Variants in SPIDR observed in about 807,000 individuals in gnomAD.
SPIDR encodes the protein DNA repair-scaffolding protein.
In SPIDR, 93 loss-of-function variants were observed where a neutral mutation model predicts 104.6. That is an observed-to-expected ratio of 0.89 (90% CI 0.75 to 1.06). The LOEUF is 1.06. SPIDR is among the 50% of genes least tolerant of loss of function. The probability of loss-of-function intolerance (pLI) is 0.00; values close to 1 mark genes in which losing one functional copy is unlikely to be tolerated. For missense variants in SPIDR, 1,154 were observed against 1,111.2 expected (o/e 1.04, Z -0.55); for synonymous variants, 431 against 416.9 (o/e 1.03, Z -0.41).
chr8:47,287,916 T>A lies in SPIDR; in HGVS notation c.257-3117T>A, dbSNP rs1022621757. On this transcript the variant is annotated intron_variant, in intron 3 of 19. Transcript: ENST00000297423. Reference sequence around the variant, plus strand: ...GCATAAGAAATTATAAAAGTATTATTTGGGGAATGATAAAGGTCCATATTA... The same window carrying A: ...GCATAAGAAATTATAAAAGTATTATATGGGGAATGATAAAGGTCCATATTA... 2.1e-3 allele frequency among the ~76,000 whole-genome samples: 323 copies of A among 152,280 alleles called. 2 individuals are homozygous for A. Among genetic ancestry groups the A allele is most frequent in the African/African-American group, 6.9e-3 (287 of 41,558 alleles).
At chr8:47,492,322 G>A (rs535637049) in intron 8 of SPIDR, among the ~76,000 whole-genome samples, 1 of 152,078 alleles carries the variant, frequency 6.6e-6, no homozygotes, top group Non-Finnish European at 1.5e-5. Flanking sequence ...CCAGTATCTG[G>A]CAAGCAGGCA....
chr8:47,430,940 G>A (rs2067253212), intron 7 of SPIDR, among the ~76,000 whole-genome samples: 1 of 152,218 alleles, frequency 6.6e-6, no homozygotes, highest in Non-Finnish European at 1.5e-5. Context: ...GATACTCAGA[G>A]TGGAAGGCAT....
At chr8:47,345,401 C>T (rs1333397717) in intron 5 of SPIDR, among the ~76,000 whole-genome samples, 1 of 152,170 alleles carries the variant, frequency 6.6e-6, no homozygotes, top group Non-Finnish European at 1.5e-5. Flanking sequence ...TAGTGTGATG[C>T]CTCCAGCTTT....
At chr8:47,298,846 G>T (rs1429660883) in intron 5 of SPIDR, among the ~76,000 whole-genome samples, 9 of 152,132 alleles carry the variant, frequency 5.9e-5, no homozygotes, top group African/African-American at 9.7e-5. Context: ...ATGGTGTTTT[G>T]GTTACTGTAG....
intron 7 of SPIDR, among the ~76,000 whole-genome samples, chr8:47,415,463 G>A (rs570268395): frequency 3.9e-5 from 6 of 152,252 alleles, no homozygotes; most frequent in African/African-American, 1.4e-4. Flanking sequence ...TGTTACTGTG[G>A]TCTGAATTTT....
chr8:47,594,458 G>A (rs917520575), intron 8 of SPIDR, among the ~76,000 whole-genome samples: 3 of 152,200 alleles, frequency 2.0e-5, no homozygotes, highest in East Asian at 1.9e-4. Context: ...AGCCCAATGA[G>A]GGGGGAAGTC....
intron 10 of SPIDR, 153 bp from the exon 11 acceptor site, chr8:47,673,648 T>C (rs1027504399): frequency 2.9e-6 from 3 of 1,026,612 alleles, no homozygotes; most frequent in East Asian, 4.9e-5. Context: ...ATTTCTTTTT[T>C]TTTTCCCCCC....
chr8:47,337,979 T>G (rs190838151), intron 5 of SPIDR, among the ~76,000 whole-genome samples: 1,859 of 152,342 alleles, frequency 0.012, 21 homozygotes, highest in Non-Finnish European at 0.017. Context: ...CCTTAATTAA[T>G]GTAATTTTAT....
chr8:47,408,490 A>G (rs2063058716), intron 7 of SPIDR, among the ~76,000 whole-genome samples: 1 of 152,156 alleles, frequency 6.6e-6, no homozygotes, highest in Non-Finnish European at 1.5e-5. Context: ...TGTACTGCAG[A>G]TCTCTAGGAC....
At chr8:47,673,662 G>GGT in intron 10 of SPIDR, 139 bp from the exon 11 acceptor site, 2 of 1,197,900 alleles carry the variant, frequency 1.7e-6, no homozygotes, top group Non-Finnish European at 2.4e-6. Flanking sequence ...TCCCCCCTTG[G>GGT]TTTTTCTTTA....
chr8:47,315,205 A>T (rs781935559), intron 5 of SPIDR, among the ~76,000 whole-genome samples: 4 of 152,212 alleles, frequency 2.6e-5, no homozygotes, highest in Non-Finnish European at 5.9e-5. Flanking sequence ...AAAATACTTC[A>T]GCCACCTTGA....
At chr8:47,328,984 GCAAA>G in intron 5 of SPIDR, among the ~76,000 whole-genome samples, 1 of 151,934 alleles carries the variant, frequency 6.6e-6, no homozygotes, top group African/African-American at 2.4e-5. Context: ...TTGGCTCATG[GCAAA>G]CTCCACTTCC....
At chr8:47,293,743 TG>T in intron 4 of SPIDR, 123 bp from the exon 5 acceptor site, 1 of 1,086,150 alleles carries the variant, frequency 9.2e-7, no homozygotes, top group Non-Finnish European at 1.3e-6. Context: ...CTATTGTGCC[TG>T]GCCCTAAATA....
chr8:47,701,598 T>C (rs2080191650), intron 12 of SPIDR, 123 bp from the exon 13 acceptor site: 2 of 915,200 alleles, frequency 2.2e-6, no homozygotes, highest in Admixed American at 4.8e-5. Context: ...TGTATAGCAT[T>C]CCAGAGAGAG....
At chr8:47,682,361 TG>T (rs2077213869) in intron 11 of SPIDR, among the ~76,000 whole-genome samples, 1 of 151,770 alleles carries the variant, frequency 6.6e-6, no homozygotes, top group African/African-American at 2.4e-5. Context: ...GCAGATGGGC[TG>T]CCAGGGCCTG....
chr8:47,410,705 A>G (rs549360666), intron 7 of SPIDR, among the ~76,000 whole-genome samples: 1 of 152,106 alleles, frequency 6.6e-6, no homozygotes, highest in South Asian at 2.1e-4. Flanking sequence ...CATGTGCACA[A>G]CGTGCAGGTT....
chr8:47,726,895 T>C (rs985395147), intron 16 of SPIDR, among the ~76,000 whole-genome samples: 1 of 152,162 alleles, frequency 6.6e-6, no homozygotes, highest in Non-Finnish European at 1.5e-5. Flanking sequence ...TGGGGAATGT[T>C]TGAGGGACTG....
intron 1 of SPIDR, among the ~76,000 whole-genome samples, chr8:47,275,415 T>A (rs991728332): frequency 2.0e-5 from 3 of 152,160 alleles, no homozygotes; most frequent in Admixed American, 6.5e-5. Flanking sequence ...TTATTTTTTT[T>A]AAATTTAATG....
At chr8:47,536,732 A>G (rs2154386807) in intron 8 of SPIDR, among the ~76,000 whole-genome samples, 1 of 152,334 alleles carries the variant, frequency 6.6e-6, no homozygotes, top group South Asian at 2.1e-4. Flanking sequence ...TGTGAGAGAA[A>G]AAGTTTACAA....
Sources: allele counts gnomAD v4.1 joint callset (sites outside exome capture counted in the v4.1 genomes callset), GRCh38; gene constraint gnomAD v4.1.1; transcripts MANE v1.5; gene names NCBI Gene and HGNC (gene_info 2026-07-23, HGNC 2026-07-21).